KLHDC4: variants seen among roughly 807,000 people sequenced by gnomAD.
KLHDC4 encodes kelch domain-containing protein 4.
Under a neutral mutation model 62.4 loss-of-function variants are expected in KLHDC4, and 90 were observed. That is an observed-to-expected ratio of 1.44 (90% CI 1.22 to 1.72). KLHDC4 has a LOEUF of 1.72. KLHDC4 is among the 40% of genes most tolerant of loss of function. KLHDC4 has a pLI of 0.00. For synonymous variants in KLHDC4, 386 were observed against 284.4 expected (o/e 1.36, Z -3.59); for missense variants, 1,025 against 699.7 (o/e 1.47, Z -5.25).
At chr16:87,738,069 G>C (rs1204815360) in intron 5 of KLHDC4, among the ~76,000 whole-genome samples, 1 of 152,190 alleles carries the variant, frequency 6.6e-6, no homozygotes, top group South Asian at 2.1e-4. Flanking sequence ...TGTGGAGTCA[G>C]AGAGCTTCAG....
chr16:87,732,116 G>C (rs1317029155), intron 5 of KLHDC4, among the ~76,000 whole-genome samples: 4 of 57,558 alleles, frequency 6.9e-5, no homozygotes, highest in African/African-American at 1.7e-4. Context: ...TTTTTTTTTT[G>C]AGACAGCGTT....
Position 87,765,982 on chromosome 16 carries a change from C to T in KLHDC4, c.-92G>A. On this transcript the variant is annotated 5_prime_UTR_variant, in exon 1 of 12. Transcript: ENST00000270583. ...CAGGTGCTCGTGGGGCGGAGCTCGG[C>T]GCACAGAAATGGAGTCACTTCCGGC... is the stretch of plus-strand genomic sequence containing the variant. 4.6e-6 allele frequency: 6 copies of T among 1,317,914 alleles called. No individual in the cohort carries two copies. The highest frequency in any genetic ancestry group is 4.4e-5 in the African/African-American group (3 of 68,722). The allele number at this position is 1,317,914 out of a possible 1,614,324, so 81.6% of individuals were successfully genotyped here. A position where few individuals can be genotyped will look rare whatever the true frequency, so the allele number is the denominator to read the frequency against.
intron 1 of KLHDC4, 171 bp from the exon 2 acceptor site, chr16:87,762,211 C>T: frequency 7.2e-7 from 1 of 1,381,896 alleles, no homozygotes. Context: ...TCGAAAGTAA[C>T]CAGAGCTTGA....
intron 8 of KLHDC4, among the ~76,000 whole-genome samples, chr16:87,712,892 C>T (rs1379729546): frequency 6.6e-6 from 1 of 152,236 alleles, no homozygotes; most frequent in African/African-American, 2.4e-5. Context: ...GGTCCCAAGC[C>T]ACAGCCTCCC....
At chr16:87,743,989 A>G (rs752239432) in intron 5 of KLHDC4, among the ~76,000 whole-genome samples, 1 of 151,926 alleles carries the variant, frequency 6.6e-6, no homozygotes, top group Non-Finnish European at 1.5e-5. Flanking sequence ...TTAACATTAG[A>G]ATTTGAGGGC....
chr16:87,761,663 CTG>C (rs1455162686), intron 2 of KLHDC4, among the ~76,000 whole-genome samples: 2 of 152,180 alleles, frequency 1.3e-5, no homozygotes, highest in East Asian at 3.8e-4. Context: ...GAAAAGCTCA[CTG>C]GGGCAAAACT....
chr16:87,745,683 A>T (rs984565084), intron 5 of KLHDC4, among the ~76,000 whole-genome samples: 2 of 152,136 alleles, frequency 1.3e-5, no homozygotes, highest in African/African-American at 2.4e-5. Context: ...TCAAGACGAC[A>T]TTGGGGCAGG....
chr16:87,741,922 G>A (rs1249830585), intron 5 of KLHDC4, among the ~76,000 whole-genome samples: 3 of 152,172 alleles, frequency 2.0e-5, no homozygotes, highest in Non-Finnish European at 2.9e-5. Context: ...TGGTAGCAAC[G>A]CCTATTCCGT....
chr16:87,754,607 A>T (rs758680388), intron 4 of KLHDC4, among the ~76,000 whole-genome samples: 21 of 152,160 alleles, frequency 1.4e-4, no homozygotes, highest in Non-Finnish European at 2.4e-4. Context: ...CACTCATTCA[A>T]ATTTTCTGTG....
intron 4 of KLHDC4, among the ~76,000 whole-genome samples, chr16:87,752,187 G>A (rs1367292331): frequency 4.0e-5 from 6 of 148,724 alleles, no homozygotes; most frequent in South Asian, 4.3e-4. Flanking sequence ...CAGGAGGATC[G>A]TTTGAGCCCA....
rs771643321 is a variant in KLHDC4, at chr16:87,726,871, C to T, written c.653G>A (p.Trp218Ter). The change falls in exon 7 of 12, where the codon TGG becomes TAG. Residue 218 changes from tryptophan (W) to a stop codon, truncating the protein, a stop_gained. Coordinates refer to ENST00000270583, the MANE Select transcript of KLHDC4 (RefSeq NM_017566.4). LOFTEE classifies it high-confidence loss of function. ...VYAFNLDTFTWSKLSPSGTGP... is the reference protein window; with the variant it reads ...VYAFNLDTFT ...CGTCCCTGACGGGGACAGCTTGCTC[C>T]ATGTGAAGGTGTCCAGATTAAAGGC... 5.6e-6 allele frequency: 9 copies of T among 1,613,622 alleles called. No homozygotes were observed. Among genetic ancestry groups the T allele is most frequent in the African/African-American group, 1.3e-5 (1 of 74,858 alleles).
At position 87,709,560 on chromosome 16, in the gene KLHDC4, C is replaced by G. The variant is rs1477765940; in HGVS notation, c.1152G>C (p.Leu384=). The G allele has an allele frequency of 6.2e-7, 1 of 1,612,928 alleles. No homozygotes were observed. The highest frequency in any genetic ancestry group is 8.5e-7 in the Non-Finnish European group (1 of 1,179,982). Residue 384 remains leucine, a synonymous_variant, in exon 10 of 12, where the codon CTG becomes CTC. Transcript: ENST00000270583. Reference sequence around the variant, plus strand: ...CATCCTCGGCCACCACCTCCTTGACCAGCTGCACAGGCCCCTGGGTGCCAG... The same window carrying G: ...CATCCTCGGCCACCACCTCCTTGACGAGCTGCACAGGCCCCTGGGTGCCAG... ...GGAGTQGPVQ[L]VKEVVAEDGT...
chr16:87,762,010 G>A lies in KLHDC4; in HGVS notation c.130C>T (p.Gln44Ter), dbSNP rs769516178. ...EDLEALIAHF[Q>*]TLDAKRTQTV... ...TGAGTCCTCTTGGCATCGAGTGTCT[G>A]GAAATGGGCTATGAGCGCTTCCAGG... is the stretch of plus-strand genomic sequence containing the variant. The change falls in exon 2 of 12, where the codon CAG (glutamine) becomes TAG (stop). Residue 44 changes from glutamine to a stop codon, truncating the protein, a stop_gained. Coordinates refer to ENST00000270583, the MANE Select transcript of KLHDC4 (RefSeq NM_017566.4). LOFTEE classifies it high-confidence loss of function. 6.2e-7 allele frequency: 1 copy of A among 1,614,030 alleles called. No homozygotes were observed. The highest frequency in any genetic ancestry group is 2.2e-5 in the East Asian group (1 of 44,876).
chr16:87,744,760 A>C (rs2042776382), intron 5 of KLHDC4, among the ~76,000 whole-genome samples: 1 of 152,262 alleles, frequency 6.6e-6, no homozygotes, highest in Non-Finnish European at 1.5e-5. Flanking sequence ...TCAATGAATC[A>C]GAAAAAACCT....
chr16:87,753,560 G>A (rs2044359910), intron 4 of KLHDC4, among the ~76,000 whole-genome samples: 2 of 152,104 alleles, frequency 1.3e-5, no homozygotes, highest in African/African-American at 2.4e-5. Context: ...AGCACTTTGG[G>A]AGGCCGAGGT....
intron 1 of KLHDC4, among the ~76,000 whole-genome samples, chr16:87,764,117 G>A (rs139081108): frequency 6.1e-4 from 93 of 152,346 alleles, no homozygotes; most frequent in Middle Eastern, 3.4e-3. Flanking sequence ...GACTGTGAAA[G>A]AATGGGATAC....
intron 3 of KLHDC4, chr16:87,755,647 A>T (rs1007932835): frequency 1.1e-5 from 2 of 187,944 alleles, no homozygotes; most frequent in African/African-American, 4.8e-5. Context: ...GCTCACTGCA[A>T]CCTCCGCCTC....
At chr16:87,716,990 G>C (rs964987770) in intron 7 of KLHDC4, among the ~76,000 whole-genome samples, 5 of 152,076 alleles carry the variant, frequency 3.3e-5, no homozygotes, top group East Asian at 1.9e-4. Context: ...CCAGCACTTT[G>C]AGAGTCCAAG....
At chr16:87,710,925 T>G (rs1185749306) in intron 9 of KLHDC4, 1 of 348,606 alleles carries the variant, frequency 2.9e-6, no homozygotes, top group African/African-American at 2.1e-5. Flanking sequence ...CACAGGCTGG[T>G]CCACACCAGG....
Sources: gnomAD v4.1 joint callset for allele counts (sites outside exome capture counted in the v4.1 genomes callset) on GRCh38, gnomAD v4.1.1 for gene constraint, MANE v1.5 for transcripts, NCBI Gene and HGNC (gene_info 2026-07-23, HGNC 2026-07-21) for gene names.